RANBP2: variants seen among roughly 807,000 people sequenced by gnomAD.
The protein encoded by RANBP2 is E3 SUMO-protein ligase RanBP2.
A neutral mutation model predicts 303.6 loss-of-function variants in RANBP2; 57 were observed. The ratio of observed to expected loss-of-function variants is 0.19; its 90% CI spans 0.15 to 0.23. The LOEUF (loss-of-function observed/expected upper bound fraction) is 0.23. Ranked by LOEUF, RANBP2 falls within the 10% of genes least tolerant of loss-of-function variation. The pLI, the probability that RANBP2 is intolerant of heterozygous loss-of-function variation, is 1.00. For missense variants in RANBP2, 3,138 were observed against 3,780.8 expected, an observed-to-expected ratio of 0.83 and a Z score of 4.46; for synonymous variants, 1,167 against 1,301.5, an observed-to-expected ratio of 0.90 and a Z score of 2.23.
the RANBP2 span, among the ~76,000 whole-genome samples, chr2:109,021,395 C>T: frequency 6.6e-6 from 1 of 151,890 alleles, no homozygotes; most frequent in South Asian, 2.1e-4. Context: ...TGGTGGTGGG[C>T]GCCTGTAGTC....
chr2:109,040,235 A>T, the RANBP2 span, among the ~76,000 whole-genome samples: 1 of 152,092 alleles, frequency 6.6e-6, no homozygotes, highest in African/African-American at 2.4e-5. Context: ...CTTATTCTAC[A>T]TCTTTTTCAT....
chr2:109,001,116 A>T, the RANBP2 span, among the ~76,000 whole-genome samples: 1 of 152,220 alleles, frequency 6.6e-6, no homozygotes, highest in Non-Finnish European at 1.5e-5. Context: ...TCATTGCTAC[A>T]TGAGTGGCTC....
chr2:109,113,033 G>A, the RANBP2 span, among the ~76,000 whole-genome samples: 2 of 152,234 alleles, frequency 1.3e-5, no homozygotes, highest in South Asian at 4.2e-4. Flanking sequence ...TTTGGTTACT[G>A]TAGCCTTGTA....
the RANBP2 span, among the ~76,000 whole-genome samples, chr2:109,485,553 C>G: frequency 6.6e-6 from 1 of 152,102 alleles, no homozygotes; most frequent in African/African-American, 2.4e-5. Flanking sequence ...TTAATCATAA[C>G]AAAAAAATCT....
chr2:109,499,683 G>A, the RANBP2 span, among the ~76,000 whole-genome samples: 6 of 152,234 alleles, frequency 3.9e-5, no homozygotes, highest in African/African-American at 7.2e-5. Context: ...CTCTCCTGGG[G>A]CCACCACAGC....
At chr2:108,883,107 T>A in the RANBP2 span, 3 of 152,326 alleles carry the variant, frequency 2.0e-5, no homozygotes, top group African/African-American at 7.2e-5. Context: ...CCTCTATATT[T>A]TGTGAGCCCA....
At chr2:108,890,436 G>A in the RANBP2 span, among the ~76,000 whole-genome samples, 1 of 151,890 alleles carries the variant, frequency 6.6e-6, no homozygotes, top group African/African-American at 2.4e-5. Context: ...GTAGAGAAGC[G>A]GTTTTGCCAT....
the RANBP2 span, among the ~76,000 whole-genome samples, chr2:109,039,373 C>T: frequency 8.6e-5 from 13 of 151,826 alleles, no homozygotes; most frequent in East Asian, 3.9e-4. Flanking sequence ...TTTTTTGAGA[C>T]GGAGTCTTGC....
chr2:109,522,042 C>T, the RANBP2 span, among the ~76,000 whole-genome samples: 4 of 152,204 alleles, frequency 2.6e-5, no homozygotes, highest in East Asian at 5.8e-4. Flanking sequence ...CGTTTTACTT[C>T]GCAATGTTTA....
chr2:109,067,548 G>A, the RANBP2 span, among the ~76,000 whole-genome samples: 4 of 152,304 alleles, frequency 2.6e-5, no homozygotes, highest in African/African-American at 7.2e-5. Flanking sequence ...GCGTCTTGAA[G>A]TCTTCATCTG....
the RANBP2 span, among the ~76,000 whole-genome samples, chr2:109,247,500 C>T: frequency 6.6e-6 from 1 of 152,206 alleles, no homozygotes; most frequent in Non-Finnish European, 1.5e-5. Flanking sequence ...TTATTCTTCC[C>T]ACCTTAAGGC....
chr2:108,994,451 C>T, the RANBP2 span, among the ~76,000 whole-genome samples: 1 of 152,124 alleles, frequency 6.6e-6, no homozygotes, highest in Non-Finnish European at 1.5e-5. Flanking sequence ...AATACTAAAT[C>T]TTTTTTACGA....
At chr2:109,268,864 A>G in the RANBP2 span, among the ~76,000 whole-genome samples, 3 of 152,190 alleles carry the variant, frequency 2.0e-5, no homozygotes, top group Non-Finnish European at 4.4e-5. Context: ...GTATTCAATG[A>G]ATTTCAGACC....
the RANBP2 span, among the ~76,000 whole-genome samples, chr2:109,476,989 T>C: frequency 6.6e-6 from 1 of 152,214 alleles, no homozygotes; most frequent in East Asian, 1.9e-4. Context: ...GCTTCTTTAC[T>C]CCAAGCTGTT....
the RANBP2 span, among the ~76,000 whole-genome samples, chr2:108,962,241 CAT>C: frequency 3.3e-5 from 5 of 152,192 alleles, no homozygotes; most frequent in Non-Finnish European, 7.4e-5. Flanking sequence ...GCCTTTCACA[CAT>C]GTGAACCAAC....
chr2:109,371,489 C>T, the RANBP2 span: 1 of 943,356 alleles, frequency 1.1e-6, no homozygotes, highest in African/African-American at 1.6e-5. Context: ...TCCTTGGAAT[C>T]TCTTCCGAGC....
the RANBP2 span, among the ~76,000 whole-genome samples, chr2:108,958,626 G>A: frequency 2.6e-5 from 4 of 152,200 alleles, no homozygotes; most frequent in African/African-American, 2.4e-5. Context: ...AGCTCCCTTA[G>A]CAATGGCAGA....
the RANBP2 span, among the ~76,000 whole-genome samples, chr2:109,429,982 C>G: frequency 6.6e-6 from 1 of 152,222 alleles, no homozygotes; most frequent in Non-Finnish European, 1.5e-5. Flanking sequence ...ACAGCCCACC[C>G]CACACAGGCC....
chr2:108,861,436 T>C, the RANBP2 span, among the ~76,000 whole-genome samples: 5 of 151,958 alleles, frequency 3.3e-5, no homozygotes, highest in Non-Finnish European at 7.4e-5. Context: ...TATTTTTCTT[T>C]TTTTATGTAG....
Sources: allele counts gnomAD v4.1 joint callset (sites outside exome capture counted in the v4.1 genomes callset), GRCh38; gene constraint gnomAD v4.1.1; transcripts MANE v1.5; gene names NCBI Gene and HGNC (gene_info 2026-07-23, HGNC 2026-07-21).